Variants in CLGN observed in about 807,000 individuals in gnomAD.
CLGN encodes calmegin.
A neutral mutation model predicts 79.1 loss-of-function variants in CLGN; 62 were observed. The ratio of observed to expected loss-of-function variants is 0.78; its 90% confidence interval spans 0.64 to 0.97. The LOEUF (loss-of-function observed/expected upper bound fraction) is 0.97. Ranked by LOEUF, CLGN falls within the 50% of genes least tolerant of loss-of-function variation. The pLI is 0.00. For synonymous variants in CLGN, 225 were observed against 224.7 expected, an observed-to-expected ratio of 1.00 and a Z score of -0.01; for missense variants, 647 against 715.5, an observed-to-expected ratio of 0.90 and a Z score of 1.09.
intron 1 of CLGN, among the ~76,000 whole-genome samples, chr4:140,418,430 A>G (rs1003995804): frequency 2.7e-5 from 4 of 148,324 alleles, no homozygotes; most frequent in East Asian, 3.9e-4. Context: ...ACAAAATGGG[A>G]GAAAATTTTC....
intron 5 of CLGN, among the ~76,000 whole-genome samples, chr4:140,404,344 T>G (rs758757145): frequency 2.0e-4 from 30 of 152,126 alleles, no homozygotes; most frequent in Admixed American, 2.0e-3. Context: ...CCACCCACCT[T>G]GGCCTCCCAA....
intron 4 of CLGN, among the ~76,000 whole-genome samples, chr4:140,408,440 G>T (rs191097874): frequency 2.9e-4 from 44 of 152,128 alleles, no homozygotes; most frequent in Admixed American, 1.7e-3. Flanking sequence ...TCTGACAAAG[G>T]ACTAGTATCC....
intron 1 of CLGN, among the ~76,000 whole-genome samples, chr4:140,420,316 C>CTTCAGAAAACAG (rs1296674494): frequency 6.6e-6 from 1 of 152,076 alleles, no homozygotes; most frequent in Non-Finnish European, 1.5e-5. Flanking sequence ...GTTGCCAATG[C>CTTCAGAAAACAG]TTCAGAAAAC....
chr4:140,425,546 C>T (rs1258202102), intron 1 of CLGN, among the ~76,000 whole-genome samples: 1 of 150,228 alleles, frequency 6.7e-6, no homozygotes, highest in African/African-American at 2.5e-5. Context: ...GGCAACACTG[C>T]ATTGAACAAG....
At chr4:140,419,232 T>A (rs905123636) in intron 1 of CLGN, among the ~76,000 whole-genome samples, 2 of 152,068 alleles carry the variant, frequency 1.3e-5, no homozygotes, top group African/African-American at 4.8e-5. Flanking sequence ...AGGGATAGCA[T>A]TGGGAGTTAT....
At chr4:140,409,545 C>T (rs1729173268) in intron 4 of CLGN, among the ~76,000 whole-genome samples, 1 of 151,814 alleles carries the variant, frequency 6.6e-6, no homozygotes, top group Non-Finnish European at 1.5e-5. Flanking sequence ...ACCATAGAGA[C>T]AGCAGTAGCC....
chr4:140,389,763 C>G (rs1728739051), intron 14 of CLGN, among the ~76,000 whole-genome samples: 2 of 151,692 alleles, frequency 1.3e-5, no homozygotes, highest in Non-Finnish European at 3.0e-5. Flanking sequence ...GGCAGGAAGA[C>G]CAGCAAACAG....
At position 140,409,862 on chromosome 4, in the gene CLGN, C is replaced by A; in HGVS notation, c.252G>T (p.Met84Ile). ...WVLSKAKKDD[M>I]DEEISIYDGR... ...CATCGTATATTGAAATTTCCTCATC[C>A]ATGTCATCTTTCTTTGCTTTTGATA... The change falls in exon 4 of 15, where the codon ATG (methionine) becomes ATT (isoleucine). Residue 84 changes from methionine to isoleucine, a missense_variant. Coordinates refer to ENST00000325617, the MANE Select transcript of CLGN (RefSeq NM_004362.3). The A allele has an allele frequency of 6.3e-7, 1 of 1,597,374 alleles. No homozygotes were observed. The highest frequency in any genetic ancestry group is 2.3e-5 in the East Asian group (1 of 44,340).
Position 140,399,001 on chromosome 4 carries a change from T to C in CLGN, c.734A>G (p.Gln245Arg). The change falls in exon 8 of 15, where the codon CAA (glutamine) becomes CGA (arginine). Residue 245 changes from glutamine to arginine, a missense_variant. Physicochemically the swap from Gln to Arg is conservative, Grantham distance 43. Transcript: ENST00000325617. ...GAGGCTTCCTTTGTTTACAACTGTTTGATCAACTAACACCTCAAATGTGTC... is the reference window on the plus strand; with the variant it reads ...GAGGCTTCCTTTGTTTACAACTGTTCGATCAACTAACACCTCAAATGTGTC... ...PDDTFEVLVD[Q>R]TVVNKGSLLE... The C allele has an allele frequency of 6.2e-7, 1 of 1,613,826 alleles. No individual in the cohort carries two copies. The highest frequency in any genetic ancestry group is 8.5e-7 in the Non-Finnish European group (1 of 1,179,896).
chr4:140,414,111 G>A (rs983868402), intron 1 of CLGN, among the ~76,000 whole-genome samples: 1 of 152,132 alleles, frequency 6.6e-6, no homozygotes, highest in African/African-American at 2.4e-5. Flanking sequence ...ACACGGCAGG[G>A]TATTCCAACA....
At position 140,427,420 on chromosome 4, in the gene CLGN, C is replaced by A. The variant is rs149998233; in HGVS notation, c.-10+117G>T. 3.3e-3 allele frequency: 497 copies of A among 152,536 alleles called. 4 individuals are homozygous for A. Among genetic ancestry groups the A allele is most frequent in the Middle Eastern group, 0.02 (6 of 296 alleles). 9.4% of individuals were successfully genotyped at this position (152,536 alleles called of 1,614,324 possible). A position where few individuals can be genotyped will look rare whatever the true frequency, so the allele number is the denominator to read the frequency against. On this transcript the variant is annotated intron_variant, in intron 1 of 14. Transcript: ENST00000325617. ...CTCACTTGGCCCCGACCGGTTCAGC[C>A]CTCTGGCGGCAAAGTAACGGGGTGC...
At chr4:140,416,757 A>T (rs1729341159) in intron 1 of CLGN, among the ~76,000 whole-genome samples, 1 of 152,200 alleles carries the variant, frequency 6.6e-6, no homozygotes, top group African/African-American at 2.4e-5. Context: ...TCACAGCTGA[A>T]TTCTACGAGA....
At chr4:140,407,411 T>C (rs1729128588) in intron 4 of CLGN, among the ~76,000 whole-genome samples, 1 of 152,074 alleles carries the variant, frequency 6.6e-6, no homozygotes, top group Non-Finnish European at 1.5e-5. Context: ...AATGATATGA[T>C]TGCATACCTA....
At position 140,395,864 on chromosome 4, in the gene CLGN, G is replaced by A. The variant is rs1295812665; in HGVS notation, c.1104C>T (p.Tyr368=). The change falls in exon 10 of 15, where the codon TAC becomes TAT. Residue 368 remains tyrosine, a synonymous_variant. Transcript: ENST00000325617. ...CCAGTGGAGGTCTCCATACTCCTTTGTATTTTGGGTTATCTATCATGGGAG... is the reference window on the plus strand; with the variant it reads ...CCAGTGGAGGTCTCCATACTCCTTTATATTTTGGGTTATCTATCATGGGAG... The part of the protein sequence containing the change: ...WKPPMIDNPK[Y]KGVWRPPLVD... 2.5e-6 allele frequency: 4 copies of A among 1,588,926 alleles called. No homozygotes were observed. Among genetic ancestry groups the A allele is most frequent in the Non-Finnish European group, 3.4e-6 (4 of 1,171,642 alleles).
chr4:140,396,896 T>C (rs1367218558), intron 8 of CLGN, among the ~76,000 whole-genome samples: 8 of 72,988 alleles, frequency 1.1e-4, no homozygotes, highest in Non-Finnish European at 1.4e-4. Context: ...TATATGTATA[T>C]ATATATATAT....
At chr4:140,422,301 T>C (rs1729484773) in intron 1 of CLGN, among the ~76,000 whole-genome samples, 1 of 152,190 alleles carries the variant, frequency 6.6e-6, no homozygotes, top group Non-Finnish European at 1.5e-5. Context: ...TTGCAAAAAG[T>C]GCTATTAGGA....
chr4:140,414,726 G>C (rs1382595845), intron 1 of CLGN, among the ~76,000 whole-genome samples: 3 of 147,842 alleles, frequency 2.0e-5, no homozygotes, highest in Admixed American at 6.7e-5. Flanking sequence ...ACGTCTGATT[G>C]GTGTACCTAA....
chr4:140,419,352 A>T (rs1239274543), intron 1 of CLGN, among the ~76,000 whole-genome samples: 1 of 152,146 alleles, frequency 6.6e-6, no homozygotes, highest in African/African-American at 2.4e-5. Flanking sequence ...TTAAAGTATA[A>T]TAAAAAAAAA....
Position 140,399,014 on chromosome 4 carries a change from C to A in CLGN, c.721G>T (p.Val241Leu), listed in dbSNP as rs1448361795. ...TTTACAACTGTTTGATCAACTAACACCTCAAATGTGTCATCTGGATTCATC... is the reference window on the plus strand; with the variant it reads ...TTTACAACTGTTTGATCAACTAACAACTCAAATGTGTCATCTGGATTCATC... ...LVMNPDDTFE[V>L]LVDQTVVNKG... is the part of the protein sequence containing the mutation. The change falls in exon 8 of 15, where the codon GTG (valine) becomes TTG (leucine). Residue 241 changes from valine to leucine, a missense_variant. Val to Leu is a conservative substitution (Grantham distance 32). Coordinates refer to ENST00000325617, the MANE Select transcript of CLGN (RefSeq NM_004362.3). The A allele has an allele frequency of 6.2e-7, 1 of 1,612,858 alleles. No individual in the cohort carries two copies. Among genetic ancestry groups the A allele is most frequent in the East Asian group, 2.2e-5 (1 of 44,804 alleles).
Sources: gnomAD v4.1 joint callset for allele counts (sites outside exome capture counted in the v4.1 genomes callset) on GRCh38, gnomAD v4.1.1 for gene constraint, MANE v1.5 for transcripts, NCBI Gene and HGNC (gene_info 2026-07-23, HGNC 2026-07-21) for gene names.